The following MAN2A1 variants were observed in gnomAD, a reference collection of about 807,000 sequenced individuals.
MAN2A1 encodes the protein alpha-mannosidase 2.
In MAN2A1, 76 loss-of-function variants were observed where a neutral mutation model predicts 142.6. The ratio of observed to expected loss-of-function variants is 0.53; its 90% CI spans 0.44 to 0.65. The LOEUF (loss-of-function observed/expected upper bound fraction) is 0.65. MAN2A1 is among the 30% of genes least tolerant of loss of function. The pLI, the probability that MAN2A1 is intolerant of heterozygous loss-of-function variation, is 0.00. For missense variants in MAN2A1, 1,311 were observed against 1,365.1 expected (o/e 0.96, Z 0.62); for synonymous variants, 559 against 473.2 (o/e 1.18, Z -2.35).
At chr5:109,731,137 A>G (rs1458648483) in intron 4 of MAN2A1, among the ~76,000 whole-genome samples, 3 of 152,080 alleles carry the variant, frequency 2.0e-5, no homozygotes, top group Non-Finnish European at 2.9e-5. Context: ...GTATTTTAAT[A>G]TAAGCATATA....
rs73781814 is a variant in MAN2A1 at position 109,830,640 on chromosome 5, G to A, written c.2566+6803G>A. Among the ~76,000 whole-genome samples the A allele has an allele frequency of 3.2e-3, 494 of 152,204 alleles. 5 individuals are homozygous for A. Among genetic ancestry groups the A allele is most frequent in the African/African-American group, 0.011 (472 of 41,524 alleles). On this transcript the variant is annotated intron_variant, in intron 16 of 21. Transcript: ENST00000261483. ...AATCAATCTCTCATTTTTTTCCATAGCTATATTCCATATTTAGTTTGATTT... is the reference window on the plus strand; with the variant it reads ...AATCAATCTCTCATTTTTTTCCATAACTATATTCCATATTTAGTTTGATTT...
Position 109,713,649 on chromosome 5 carries a change from A to C in MAN2A1, c.265A>C (p.Ser89Arg). ...LSESVEDGPK[S>R]SQSNFSQGAG... ...TGAGTCTGTGGAGGATGGTCCGAAA[A>C]GTTCACAAAGCAATTTCAGCCAAGG... The change falls in exon 2 of 22, where the codon AGT (serine) becomes CGT (arginine). Residue 89 changes from serine to arginine, a missense_variant. Ser to Arg is a moderately radical substitution (Grantham distance 110, BLOSUM62 -1). Around this residue, in one of 3 missense-constraint regions of MAN2A1, gnomAD observed 409 missense variants for 412.7 expected, o/e 0.99. Coordinates refer to ENST00000261483, the MANE Select transcript of MAN2A1 (RefSeq NM_002372.4). 1.2e-6 allele frequency: 2 copies of C among 1,614,240 alleles called. No homozygotes were observed. Among genetic ancestry groups the C allele is most frequent in the Non-Finnish European group, 1.7e-6 (2 of 1,180,048 alleles).
At position 109,789,639 on chromosome 5, in the gene MAN2A1, A is replaced by T; in HGVS notation, c.1943+112A>T. 7.3e-6 allele frequency: 5 copies of T among 685,244 alleles called. No homozygotes were observed. The South Asian group carries it at 1.1e-4, about 15-fold the overall frequency. 42.4% of individuals were successfully genotyped at this position (685,244 alleles called of 1,614,324 possible). On this transcript the variant is annotated intron_variant, in intron 12 of 21. Transcript: ENST00000261483. ...TTTTGAGGCAATCAATTTATTAATTAAAAAACTCCTAAAAAATGGATTTTC... is the reference window on the plus strand; with the variant it reads ...TTTTGAGGCAATCAATTTATTAATTTAAAAACTCCTAAAAAATGGATTTTC...
intron 3 of MAN2A1, among the ~76,000 whole-genome samples, chr5:109,716,908 C>G (rs763734575): frequency 8.5e-5 from 13 of 152,134 alleles, no homozygotes; most frequent in Non-Finnish European, 1.3e-4. Context: ...CATATGATGG[C>G]GTTTATTTAT....
At chr5:109,844,680 C>T (rs1413414313) in intron 17 of MAN2A1, among the ~76,000 whole-genome samples, 1 of 152,142 alleles carries the variant, frequency 6.6e-6, no homozygotes, top group African/African-American at 2.4e-5. Context: ...TGCCCTTTCC[C>T]AGCTTCTAGT....
At chr5:109,825,161 CTGTT>C (rs1192248093) in intron 16 of MAN2A1, among the ~76,000 whole-genome samples, 1 of 152,166 alleles carries the variant, frequency 6.6e-6, no homozygotes, top group Non-Finnish European at 1.5e-5. Flanking sequence ...TTTTGATCAT[CTGTT>C]TGTACTCTTG....
chr5:109,817,292 C>T lies in MAN2A1; in HGVS notation c.1963C>T (p.Pro655Ser). 1.2e-6 allele frequency: 2 copies of T among 1,613,966 alleles called. No homozygotes were observed. Among genetic ancestry groups the T allele is most frequent in the Non-Finnish European group, 1.7e-6 (2 of 1,179,950 alleles). ...TTGCAGGTACCTTGTGGTCTATAATCCTTTAGAACAAGACCGAATCTCGTT... is the reference window on the plus strand; with the variant it reads ...TTGCAGGTACCTTGTGGTCTATAATTCTTTAGAACAAGACCGAATCTCGTT... The part of the protein sequence containing the change: ...AEPRYLVVYN[P>S]LEQDRISLVS... Residue 655 changes from proline (P) to serine (S), a missense_variant, in exon 13 of 22, where the codon CCT becomes TCT. Physicochemically the swap from Pro to Ser is moderately conservative, Grantham distance 74 (BLOSUM62 -1). Transcript: ENST00000261483.
chr5:109,696,901 T>A lies in MAN2A1; in HGVS notation c.135+6349T>A, dbSNP rs527537148. ...CTGAAATTCACTTACACATTTAGGA[T>A]TCTAGATTGTAGTATGTTACAAAAA... On this transcript the variant is annotated intron_variant, in intron 1 of 21. Transcript: ENST00000261483. Among the ~76,000 whole-genome samples, 4 of 152,338 alleles carry A rather than the reference T, an allele frequency of 2.6e-5. No homozygotes were observed. The East Asian group carries it at 7.7e-4, about 29-fold the overall frequency.
At chr5:109,762,846 C>T (rs1412924478) in intron 5 of MAN2A1, among the ~76,000 whole-genome samples, 1 of 152,146 alleles carries the variant, frequency 6.6e-6, no homozygotes, top group Non-Finnish European at 1.5e-5. Flanking sequence ...TGAACAAATG[C>T]AGCTTAAAGA....
At chr5:109,748,604 A>G (rs779398310) in intron 4 of MAN2A1, among the ~76,000 whole-genome samples, 4 of 152,072 alleles carry the variant, frequency 2.6e-5, no homozygotes, top group Non-Finnish European at 5.9e-5. Flanking sequence ...GATTTTCTGT[A>G]AGATAACAGT....
chr5:109,737,874 A>G (rs1387752090), intron 4 of MAN2A1, among the ~76,000 whole-genome samples: 1 of 152,186 alleles, frequency 6.6e-6, no homozygotes, highest in Non-Finnish European at 1.5e-5. Context: ...GATTCGAGTT[A>G]TTACTGAGAA....
intron 4 of MAN2A1, among the ~76,000 whole-genome samples, chr5:109,749,364 A>G (rs1311170403): frequency 2.0e-5 from 3 of 152,136 alleles, no homozygotes; most frequent in Non-Finnish European, 4.4e-5. Flanking sequence ...GGAATGACAG[A>G]TATGCTCAGC....
chr5:109,851,547 C>G (rs1227735962), intron 19 of MAN2A1, among the ~76,000 whole-genome samples: 1 of 152,154 alleles, frequency 6.6e-6, no homozygotes, highest in African/African-American at 2.4e-5. Context: ...TGTGATAATG[C>G]AGCAAGAAGG....
At chr5:109,825,471 T>C (rs1399088356) in intron 16 of MAN2A1, among the ~76,000 whole-genome samples, 1 of 152,222 alleles carries the variant, frequency 6.6e-6, no homozygotes, top group East Asian at 1.9e-4. Flanking sequence ...ATTTGCATAA[T>C]TGCTTTTGCT....
Position 109,867,417 on chromosome 5 carries a change from TG to T in MAN2A1, c.*420del. The T allele has an allele frequency of 6.5e-6, 1 of 153,310 alleles. No individual in the cohort carries two copies. The highest frequency in any genetic ancestry group is 1.9e-4 in the East Asian group (1 of 5,196). The allele number at this position is 153,310 out of a possible 1,614,324, so 9.5% of individuals were successfully genotyped here. ...CCTATTTGGCTGAAATGGAATAAAA[TG>T]TTTGTGGGTAAAAGCTAATGGCCAA... is the stretch of plus-strand genomic sequence containing the variant. On this transcript the variant is annotated 3_prime_UTR_variant, in exon 22 of 22. Transcript: ENST00000261483.
At chr5:109,736,508 C>T (rs1238373108) in intron 4 of MAN2A1, among the ~76,000 whole-genome samples, 5 of 151,966 alleles carry the variant, frequency 3.3e-5, no homozygotes, top group Admixed American at 2.6e-4. Context: ...CTGGGCAAGA[C>T]CGGAACTCTA....
At chr5:109,726,139 T>C (rs1422825823) in intron 3 of MAN2A1, among the ~76,000 whole-genome samples, 1 of 152,214 alleles carries the variant, frequency 6.6e-6, no homozygotes, top group Non-Finnish European at 1.5e-5. Flanking sequence ...AAAAAAGCTG[T>C]GAATTGACCA....
At chr5:109,833,706 A>AG (rs1754990472) in intron 16 of MAN2A1, among the ~76,000 whole-genome samples, 1 of 64,720 alleles carries the variant, frequency 1.5e-5, no homozygotes, top group Non-Finnish European at 3.0e-5. Flanking sequence ...GGGGAGGGGG[A>AG]GGGGGAGAGG....
intron 12 of MAN2A1, among the ~76,000 whole-genome samples, chr5:109,791,255 A>T (rs982125420): frequency 6.6e-6 from 1 of 151,502 alleles, no homozygotes; most frequent in African/African-American, 2.4e-5. Context: ...GCAGATTCTT[A>T]TTTGTTTTTA....
Sources: gnomAD v4.1 joint callset for allele counts (sites outside exome capture counted in the v4.1 genomes callset) on GRCh38, gnomAD v4.1.1 for gene constraint, gnomAD v4.1.1 regional missense constraint, MANE v1.5 for transcripts, NCBI Gene and HGNC (gene_info 2026-07-23, HGNC 2026-07-21) for gene names.